PHF24: variants seen among roughly 807,000 people sequenced by gnomAD.
The protein encoded by PHF24 is PHD finger protein 24, also known as Galpha inhibitory interacting protein.
PHF24 carries 25 observed loss-of-function variants against 42.6 expected under a neutral mutation model. The ratio of observed to expected loss-of-function variants is 0.59; its 90% CI spans 0.43 to 0.82. The LOEUF (loss-of-function observed/expected upper bound fraction) is 0.82, where lower values mean the gene tolerates loss of function less well. Ranked by LOEUF, PHF24 falls within the 40% of genes least tolerant of loss-of-function variation. The pLI is 0.00. For synonymous variants in PHF24, 185 were observed against 204.8 expected (o/e 0.90, Z 0.83); for missense variants, 470 against 538.1 (o/e 0.87, Z 1.25).
chr9:34,884,139 C>G, the PHF24 span, among the ~76,000 whole-genome samples: 3 of 152,162 alleles, frequency 2.0e-5, no homozygotes, highest in East Asian at 1.9e-4. Context: ...ACCGCATGTT[C>G]TCACTCATAG....
the PHF24 span, chr9:34,726,397 A>C: frequency 1.3e-6 from 2 of 1,548,438 alleles, no homozygotes; most frequent in Non-Finnish European, 1.7e-6. Context: ...GCAGGTGGGC[A>C]GGGAGGACCA....
chr9:34,878,299 G>C, the PHF24 span, among the ~76,000 whole-genome samples: 1 of 152,212 alleles, frequency 6.6e-6, no homozygotes, highest in Non-Finnish European at 1.5e-5. Flanking sequence ...CTCCCAGCGT[G>C]AGTGACACAG....
intron 1 of PHF24, among the ~76,000 whole-genome samples, chr9:34,966,372 G>T (rs1391766844): frequency 6.6e-6 from 1 of 152,028 alleles, no homozygotes; most frequent in Non-Finnish European, 1.5e-5. Context: ...AATCACATGA[G>T]CCCCAGAGTT....
chr9:34,808,943 C>T, the PHF24 span, among the ~76,000 whole-genome samples: 3 of 149,988 alleles, frequency 2.0e-5, no homozygotes, highest in East Asian at 2.0e-4. Context: ...TGCTAGATGA[C>T]GAGTAAGTGG....
the PHF24 span, among the ~76,000 whole-genome samples, chr9:34,683,065 C>CT: frequency 1.3e-4 from 19 of 144,740 alleles, no homozygotes; most frequent in African/African-American, 3.5e-4. Context: ...TTCTTTCTCT[C>CT]TTTTTTTTTT....
At chr9:34,959,493 A>C (rs1160612606) in intron 1 of PHF24, among the ~76,000 whole-genome samples, 1 of 152,220 alleles carries the variant, frequency 6.6e-6, no homozygotes, top group Non-Finnish European at 1.5e-5. Flanking sequence ...AAAAGTACTA[A>C]GGAGCAGCAG....
chr9:34,665,641 A>G, the PHF24 span: 2 of 700,772 alleles, frequency 2.9e-6, no homozygotes, highest in East Asian at 2.7e-5. Context: ...GCCACCTCGT[A>G]TCTCCTCATT....
the PHF24 span, among the ~76,000 whole-genome samples, chr9:34,896,833 G>A: frequency 6.6e-6 from 1 of 152,038 alleles, no homozygotes; most frequent in African/African-American, 2.4e-5. Flanking sequence ...TTCTTGCCCT[G>A]ATAAAAGTGG....
chr9:34,702,384 G>T, the PHF24 span, among the ~76,000 whole-genome samples: 4 of 152,182 alleles, frequency 2.6e-5, no homozygotes, highest in African/African-American at 9.7e-5. Context: ...AGAAGCTGGC[G>T]CTGGCTGCTT....
At chr9:34,854,058 T>C in the PHF24 span, among the ~76,000 whole-genome samples, 1 of 152,160 alleles carries the variant, frequency 6.6e-6, no homozygotes, top group African/African-American at 2.4e-5. Flanking sequence ...TTCTAGTTTA[T>C]GTGCATAGAG....
chr9:34,934,360 T>C, the PHF24 span, among the ~76,000 whole-genome samples: 1 of 152,188 alleles, frequency 6.6e-6, no homozygotes, highest in Non-Finnish European at 1.5e-5. Flanking sequence ...ACAACAGTAA[T>C]TAGTTCTAAT....
chr9:34,888,774 T>C, the PHF24 span, among the ~76,000 whole-genome samples: 1 of 152,220 alleles, frequency 6.6e-6, no homozygotes, highest in Non-Finnish European at 1.5e-5. Context: ...CACTGCTTCT[T>C]ATACTGTCGC....
chr9:34,832,119 T>C, the PHF24 span, among the ~76,000 whole-genome samples: 3 of 152,134 alleles, frequency 2.0e-5, no homozygotes, highest in African/African-American at 7.2e-5. Flanking sequence ...AACGTATTGC[T>C]GAAACATATA....
chr9:34,757,203 C>T, the PHF24 span, among the ~76,000 whole-genome samples: 1 of 152,038 alleles, frequency 6.6e-6, no homozygotes, highest in South Asian at 2.1e-4. Context: ...GCACCCTGCC[C>T]CTCAGTGTTT....
At chr9:34,921,614 G>A in the PHF24 span, among the ~76,000 whole-genome samples, 2 of 152,184 alleles carry the variant, frequency 1.3e-5, no homozygotes. Flanking sequence ...CTTATCCAGA[G>A]TAAAATGGGT....
At chr9:34,665,963 AG>A in the PHF24 span, 1 of 455,800 alleles carries the variant, frequency 2.2e-6, no homozygotes, top group African/African-American at 2.1e-5. Context: ...GAGGATTTTC[AG>A]GGGCTGGGGT....
the PHF24 span, among the ~76,000 whole-genome samples, chr9:34,846,483 T>C: frequency 0.018 from 2,712 of 152,182 alleles, 34 homozygotes; most frequent in Non-Finnish European, 0.025. Context: ...GAGTTCATTG[T>C]AGATGCTGGA....
chr9:34,867,170 C>T, the PHF24 span, among the ~76,000 whole-genome samples: 1 of 152,172 alleles, frequency 6.6e-6, no homozygotes, highest in Non-Finnish European at 1.5e-5. Context: ...AAGAACATCA[C>T]ACCATCAGTG....
exon 8 of PHF24, chr9:34,980,067 C>CT (rs1293037442): frequency 6.6e-6 from 1 of 152,238 alleles, no homozygotes; most frequent in Non-Finnish European, 1.5e-5. Flanking sequence ...TGCCACTGGC[C>CT]TTGGGCTGCT....
Sources: gnomAD v4.1 joint callset for allele counts (sites outside exome capture counted in the v4.1 genomes callset) on GRCh38, gnomAD v4.1.1 for gene constraint, MANE v1.5 for transcripts, NCBI Gene and HGNC (gene_info 2026-07-23, HGNC 2026-07-21) for gene names.